Variants in FTO observed in about 807,000 individuals in gnomAD.
The protein encoded by FTO is alpha-ketoglutarate-dependent dioxygenase FTO.
A neutral mutation model predicts 63.9 loss-of-function variants in FTO; 47 were observed. That is an observed-to-expected ratio of 0.74 (90% confidence interval 0.58 to 0.94). The LOEUF (loss-of-function observed/expected upper bound fraction) is 0.94. FTO is among the 40% of genes least tolerant of loss of function. The pLI is 0.00. For missense variants in FTO, 562 were observed against 618.1 expected (o/e 0.91, Z 0.96); for synonymous variants, 207 against 224.4 (o/e 0.92, Z 0.69).
At chr16:53,813,216 C>CT (rs72112859) in intron 2 of FTO, among the ~76,000 whole-genome samples, 7,951 of 144,902 alleles carry the variant, frequency 0.055, 587 homozygotes, top group East Asian at 0.4. Context: ...TTTTTCTTTT[C>CT]TTTTTTTTTT....
At chr16:53,970,952 T>C (rs1416704398) in intron 8 of FTO, among the ~76,000 whole-genome samples, 3 of 152,212 alleles carry the variant, frequency 2.0e-5, no homozygotes, top group South Asian at 2.1e-4. Context: ...CTTTTCTTAA[T>C]AATAGTAAGA....
intron 1 of FTO, among the ~76,000 whole-genome samples, chr16:53,780,550 T>A (rs1340951441): frequency 6.6e-6 from 1 of 152,150 alleles, no homozygotes; most frequent in Non-Finnish European, 1.5e-5. Flanking sequence ...TTTTCCCACC[T>A]GTAGAGACGG....
intron 5 of FTO, among the ~76,000 whole-genome samples, chr16:53,876,428 A>C (rs924228839): frequency 4.6e-5 from 7 of 152,218 alleles, no homozygotes; most frequent in Non-Finnish European, 1.0e-4. Flanking sequence ...AGAAAAAAAC[A>C]GATAAATTGG....
chr16:54,073,450 C>T (rs181578907), intron 8 of FTO, among the ~76,000 whole-genome samples: 62 of 152,180 alleles, frequency 4.1e-4, no homozygotes, highest in African/African-American at 1.4e-3. Context: ...TCAGGCTTGG[C>T]GTGGGTTTTC....
At chr16:53,900,523 A>T (rs1242953332) in intron 7 of FTO, among the ~76,000 whole-genome samples, 1 of 151,854 alleles carries the variant, frequency 6.6e-6, no homozygotes, top group Non-Finnish European at 1.5e-5. Context: ...AACATTGGAT[A>T]ATAATTATAT....
chr16:53,995,211 C>G (rs2083906376), intron 8 of FTO, among the ~76,000 whole-genome samples: 2 of 152,106 alleles, frequency 1.3e-5, no homozygotes, highest in South Asian at 4.1e-4. Flanking sequence ...TCTCGTTCAC[C>G]AAACAGTGAG....
chr16:53,941,246 T>C (rs544407355), intron 8 of FTO, among the ~76,000 whole-genome samples: 75 of 152,354 alleles, frequency 4.9e-4, no homozygotes, highest in Non-Finnish European at 9.7e-4. Flanking sequence ...GTGGGGAATA[T>C]CAAGATGAGT....
intron 5 of FTO, among the ~76,000 whole-genome samples, chr16:53,876,019 A>C (rs1053169965): frequency 1.3e-5 from 2 of 152,148 alleles, no homozygotes; most frequent in African/African-American, 4.8e-5. Flanking sequence ...TTGTGTCAGA[A>C]TATTCTTGGG....
At chr16:53,962,952 A>G (rs756028031) in intron 8 of FTO, among the ~76,000 whole-genome samples, 7 of 152,232 alleles carry the variant, frequency 4.6e-5, no homozygotes, top group African/African-American at 7.2e-5. Context: ...TATCAAGTTT[A>G]GAAGATTTAT....
intron 7 of FTO, among the ~76,000 whole-genome samples, chr16:53,893,634 G>A (rs1221600998): frequency 6.6e-6 from 1 of 151,414 alleles, no homozygotes; most frequent in Non-Finnish European, 1.5e-5. Flanking sequence ...CCTCTAAATT[G>A]ATGACATTTA....
chr16:54,025,718 C>CA (rs35957454), intron 8 of FTO, among the ~76,000 whole-genome samples: 51,124 of 149,638 alleles, frequency 0.34, 9,543 homozygotes, highest in East Asian at 0.47. Context: ...GACTCCATCT[C>CA]AAAAAAAAAG....
intron 3 of FTO, among the ~76,000 whole-genome samples, chr16:53,839,621 AAGTT>A (rs1000328961): frequency 6.6e-6 from 1 of 152,048 alleles, no homozygotes; most frequent in Non-Finnish European, 1.5e-5. Flanking sequence ...ACCAGGATGA[AAGTT>A]AGAAGGGAAA....
chr16:54,002,884 C>A (rs1240089328), intron 8 of FTO, among the ~76,000 whole-genome samples: 1 of 152,032 alleles, frequency 6.6e-6, no homozygotes, highest in Non-Finnish European at 1.5e-5. Context: ...ATAGAATTAC[C>A]CTAAAAAGCA....
intron 1 of FTO, among the ~76,000 whole-genome samples, chr16:53,773,233 A>C (rs2077383261): frequency 6.6e-6 from 1 of 152,082 alleles, no homozygotes; most frequent in African/African-American, 2.4e-5. Flanking sequence ...GAGCCCTCCA[A>C]ATGTGATTTC....
chr16:53,936,850 G>A (rs1341786644), intron 8 of FTO, among the ~76,000 whole-genome samples: 1 of 152,218 alleles, frequency 6.6e-6, no homozygotes, highest in Non-Finnish European at 1.5e-5. Context: ...GGTCAACGGA[G>A]CCGCCGCAGC....
At chr16:54,062,517 G>T (rs2085605821) in intron 8 of FTO, among the ~76,000 whole-genome samples, 1 of 152,180 alleles carries the variant, frequency 6.6e-6, no homozygotes, top group African/African-American at 2.4e-5. Flanking sequence ...AGGAAGCACT[G>T]CAGTTAACTC....
chr16:54,102,989 C>CA (rs2086670789), intron 8 of FTO, among the ~76,000 whole-genome samples: 1 of 151,836 alleles, frequency 6.6e-6, no homozygotes, highest in Non-Finnish European at 1.5e-5. Flanking sequence ...GCTATCTCTA[C>CA]AAAAAACAAA....
chr16:54,094,845 A>G (rs1455661950), intron 8 of FTO, among the ~76,000 whole-genome samples: 2 of 152,140 alleles, frequency 1.3e-5, no homozygotes, highest in Non-Finnish European at 1.5e-5. Context: ...CTCCATTCCT[A>G]AGGGAATCTA....
intron 8 of FTO, among the ~76,000 whole-genome samples, chr16:54,075,443 T>C (rs1326819807): frequency 2.0e-5 from 3 of 152,218 alleles, no homozygotes; most frequent in African/African-American, 7.2e-5. Flanking sequence ...CCAACAATTT[T>C]ATTGTTTTGA....
Sources: allele counts gnomAD v4.1 joint callset (sites outside exome capture counted in the v4.1 genomes callset), GRCh38; gene constraint gnomAD v4.1.1; transcripts MANE v1.5; gene names NCBI Gene and HGNC (gene_info 2026-07-23, HGNC 2026-07-21).